Variants in PHACTR1 observed in about 807,000 individuals in gnomAD.
PHACTR1 encodes the protein RPEL repeat containing 1.
PHACTR1 carries 16 observed loss-of-function variants against 69.2 expected under a neutral mutation model. That is an observed-to-expected ratio of 0.23 (90% confidence interval 0.16 to 0.35). The LOEUF (loss-of-function observed/expected upper bound fraction) is 0.35. PHACTR1 is among the 10% of genes least tolerant of loss of function. The probability of loss-of-function intolerance (pLI) is 1.00; values close to 1 mark genes in which losing one functional copy is unlikely to be tolerated. For synonymous variants in PHACTR1, 312 were observed against 284.5 expected (o/e 1.10, Z -0.97); for missense variants, 510 against 734.7 (o/e 0.69, Z 3.54).
intron 4 of PHACTR1, among the ~76,000 whole-genome samples, chr6:12,851,125 TA>T (rs1248894056): frequency 6.6e-6 from 1 of 152,232 alleles, no homozygotes; most frequent in East Asian, 1.9e-4. Context: ...AAACTGGACA[TA>T]ATTATTGCAA....
At chr6:13,126,066 A>G (rs1181334477) in intron 5 of PHACTR1, among the ~76,000 whole-genome samples, 1 of 152,234 alleles carries the variant, frequency 6.6e-6, no homozygotes, top group Admixed American at 6.5e-5. Context: ...AATATTTAAA[A>G]ACATTTATGT....
chr6:13,083,103 T>C (rs1290709336), intron 5 of PHACTR1, among the ~76,000 whole-genome samples: 2 of 152,228 alleles, frequency 1.3e-5, no homozygotes, highest in Non-Finnish European at 2.9e-5. Context: ...CTTTAATCCA[T>C]CTTGAATTAA....
chr6:13,118,978 A>G (rs1347515889), intron 5 of PHACTR1, among the ~76,000 whole-genome samples: 3 of 152,216 alleles, frequency 2.0e-5, no homozygotes, highest in Non-Finnish European at 2.9e-5. Flanking sequence ...GAGAGTTCCT[A>G]TGAGTCAAAA....
intron 4 of PHACTR1, among the ~76,000 whole-genome samples, chr6:12,970,697 A>G (rs1479886659): frequency 6.6e-6 from 1 of 152,248 alleles, no homozygotes; most frequent in Admixed American, 6.5e-5. Flanking sequence ...CAGAGGTGGC[A>G]GTGAGCCGAA....
At chr6:12,841,679 A>G (rs1386692589) in intron 4 of PHACTR1, among the ~76,000 whole-genome samples, 2 of 152,212 alleles carry the variant, frequency 1.3e-5, no homozygotes, top group Non-Finnish European at 2.9e-5. Flanking sequence ...CTAGCTATCA[A>G]AAAGGGAGAC....
chr6:13,120,627 T>G (rs551011650), intron 5 of PHACTR1, among the ~76,000 whole-genome samples: 1 of 152,282 alleles, frequency 6.6e-6, no homozygotes, highest in Non-Finnish European at 1.5e-5. Flanking sequence ...CTTGCTTCCT[T>G]GACAGACTGT....
intron 4 of PHACTR1, among the ~76,000 whole-genome samples, chr6:13,006,655 T>C (rs1429332531): frequency 6.6e-6 from 1 of 151,260 alleles, no homozygotes; most frequent in African/African-American, 2.5e-5. Context: ...TAAGGTGATA[T>C]ATGATACACA....
At chr6:13,271,206 G>A (rs202077) in intron 10 of PHACTR1, among the ~76,000 whole-genome samples, 116,743 of 151,826 alleles carry the variant, frequency 0.77, 45,899 homozygotes, top group Non-Finnish European at 0.86. Context: ...ACGGGGTTTC[G>A]CCACAAAGTT....
chr6:13,076,488 A>G (rs1248787390), intron 5 of PHACTR1, among the ~76,000 whole-genome samples: 1 of 152,196 alleles, frequency 6.6e-6, no homozygotes. Context: ...AAAATGTGAT[A>G]GAGTTACGTT....
intron 3 of PHACTR1, among the ~76,000 whole-genome samples, chr6:12,737,698 G>T (rs75150566): frequency 1.3e-5 from 2 of 151,428 alleles, no homozygotes; most frequent in African/African-American, 2.4e-5. Context: ...GGGCTCAAGC[G>T]ATCCTCTTGC....
At chr6:13,016,055 T>G (rs1440754388) in intron 4 of PHACTR1, among the ~76,000 whole-genome samples, 1 of 152,228 alleles carries the variant, frequency 6.6e-6, no homozygotes, top group Non-Finnish European at 1.5e-5. Context: ...CACTGCCCAC[T>G]GTGGAAGTTC....
chr6:12,859,364 G>A (rs1363787051), intron 4 of PHACTR1, among the ~76,000 whole-genome samples: 4 of 152,140 alleles, frequency 2.6e-5, no homozygotes, highest in African/African-American at 7.2e-5. Flanking sequence ...TACAGCTAAT[G>A]TGTGTATTAT....
chr6:12,908,004 A>G (rs1326304270), intron 4 of PHACTR1, among the ~76,000 whole-genome samples: 1 of 152,236 alleles, frequency 6.6e-6, no homozygotes, highest in Non-Finnish European at 1.5e-5. Context: ...TTCTTGAATA[A>G]TTCCCACAAA....
chr6:13,252,339 A>AAAG (rs1774574537), intron 10 of PHACTR1, among the ~76,000 whole-genome samples: 1 of 151,368 alleles, frequency 6.6e-6, no homozygotes, highest in African/African-American at 2.4e-5. Flanking sequence ...AAAAAAAAAA[A>AAAG]AAAAGAAAAA....
At chr6:12,862,250 G>A (rs1183962657) in intron 4 of PHACTR1, among the ~76,000 whole-genome samples, 1 of 152,200 alleles carries the variant, frequency 6.6e-6, no homozygotes, top group Admixed American at 6.5e-5. Flanking sequence ...GGCAGCGACA[G>A]CACTTGTAAA....
rs111982449 is a variant in PHACTR1 at position 12,983,716 on chromosome 6, A to G, written c.251-69649A>G. On this transcript the variant is annotated intron_variant, in intron 4 of 14. Coordinates refer to ENST00000332995, the MANE Select transcript of PHACTR1 (RefSeq NM_030948.6). ...CCCCACTCCCGCCACCCCACGACAG[A>G]CCCTGATGTGTGACGTTCCCCTTCC... 3.6e-3 allele frequency among the ~76,000 whole-genome samples: 543 copies of G among 152,080 alleles called. 1 individual carries two copies. Among genetic ancestry groups the G allele is most frequent in the African/African-American group, 0.013 (529 of 41,492 alleles).
chr6:13,109,856 G>GTGTGTC (rs139210703), intron 5 of PHACTR1, among the ~76,000 whole-genome samples: 27,121 of 150,382 alleles, frequency 0.18, 2,551 homozygotes, highest in Middle Eastern at 0.24. Flanking sequence ...GTGTGTGTGT[G>GTGTGTC]TGTGTGTCTG....
At chr6:13,132,673 T>A (rs1026229958) in intron 5 of PHACTR1, among the ~76,000 whole-genome samples, 1 of 152,062 alleles carries the variant, frequency 6.6e-6, no homozygotes, top group Non-Finnish European at 1.5e-5. Context: ...CTGTAGCCAT[T>A]AAGCATCATG....
chr6:12,877,175 G>A (rs944343952), intron 4 of PHACTR1, among the ~76,000 whole-genome samples: 10 of 152,268 alleles, frequency 6.6e-5, no homozygotes, highest in South Asian at 2.1e-4. Context: ...AAGTTGACAC[G>A]ACACATAGAA....
Sources: gnomAD v4.1 joint callset for allele counts (sites outside exome capture counted in the v4.1 genomes callset) on GRCh38, gnomAD v4.1.1 for gene constraint, MANE v1.5 for transcripts, NCBI Gene and HGNC (gene_info 2026-07-23, HGNC 2026-07-21) for gene names.